The following TBC1D30 variants were observed in gnomAD, a reference collection of about 807,000 sequenced individuals.
The protein encoded by TBC1D30 is TBC1 domain family member 30, also known as TBC1 domain family, member 30.
Under a neutral mutation model 63.2 loss-of-function variants are expected in TBC1D30, and 31 were observed. That is an observed-to-expected ratio of 0.49 (90% CI 0.37 to 0.66). TBC1D30 has a LOEUF of 0.66. TBC1D30 is among the 30% of genes least tolerant of loss of function. TBC1D30 has a pLI of 0.00. For synonymous variants in TBC1D30, 307 were observed against 361.5 expected (o/e 0.85, Z 1.71); for missense variants, 810 against 953.6 (o/e 0.85, Z 1.98).
chr12:64,860,598 G>C (rs1453859253), intron 8 of TBC1D30, among the ~76,000 whole-genome samples: 1 of 152,120 alleles, frequency 6.6e-6, no homozygotes, highest in African/African-American at 2.4e-5. Context: ...TCTTGAGGCT[G>C]TGGTTTTCAA....
upstream of TBC1D30, among the ~76,000 whole-genome samples, chr12:64,778,335 C>T (rs555419948): frequency 1.4e-4 from 22 of 151,924 alleles, no homozygotes; most frequent in African/African-American, 5.3e-4. Context: ...GGGCATATAT[C>T]AATGAACAAA....
At position 64,876,500 on chromosome 12, in the gene TBC1D30, C is replaced by T; in HGVS notation, c.*712C>T. ...TTGGCATATGCTTTACGCAGTTGCT[C>T]CGGACAGCTTGCTCGCGCCACTGAG... On this transcript the variant is annotated 3_prime_UTR_variant, in exon 12 of 12. Transcript: ENST00000539867. The T allele has an allele frequency of 3.4e-6, 1 of 291,210 alleles. No homozygotes were observed. Among genetic ancestry groups the T allele is most frequent in the Non-Finnish European group, 6.9e-6 (1 of 145,908 alleles). 18.0% of individuals were successfully genotyped at this position (291,210 alleles called of 1,614,324 possible). A position where few individuals can be genotyped will look rare whatever the true frequency, so the allele number is the denominator to read the frequency against.
intron 4 of TBC1D30, among the ~76,000 whole-genome samples, chr12:64,830,705 A>G (rs1874779310): frequency 6.6e-6 from 1 of 152,230 alleles, no homozygotes; most frequent in African/African-American, 2.4e-5. Flanking sequence ...CGGTAAGAAG[A>G]AAATATTTGC....
chr12:64,833,310 G>T (rs1055226589), intron 5 of TBC1D30, among the ~76,000 whole-genome samples: 23 of 152,162 alleles, frequency 1.5e-4, no homozygotes, highest in African/African-American at 5.6e-4. Flanking sequence ...TTGAGATGGG[G>T]CACTAGTGAT....
chr12:64,864,449 G>T (rs1434552112), intron 8 of TBC1D30, among the ~76,000 whole-genome samples: 1 of 152,226 alleles, frequency 6.6e-6, no homozygotes, highest in Non-Finnish European at 1.5e-5. Flanking sequence ...ATGCCCAGCT[G>T]CAGCTGGGTT....
At chr12:64,767,499 T>A (rs1282978801) in intron 1 of TBC1D30, among the ~76,000 whole-genome samples, 1 of 152,072 alleles carries the variant, frequency 6.6e-6, no homozygotes, top group Non-Finnish European at 1.5e-5. Context: ...GTGAATGCAT[T>A]CTCTTCTGTC....
chr12:64,856,605 C>T (rs890206241), intron 8 of TBC1D30, among the ~76,000 whole-genome samples: 8 of 152,214 alleles, frequency 5.3e-5, no homozygotes, highest in African/African-American at 1.9e-4. Context: ...TGGCCACTAC[C>T]ACTGGGACTG....
intron 8 of TBC1D30, among the ~76,000 whole-genome samples, chr12:64,855,324 G>C (rs1038957626): frequency 6.6e-6 from 1 of 152,136 alleles, no homozygotes; most frequent in African/African-American, 2.4e-5. Context: ...GGTTAAATCT[G>C]TTGGTGTTCT....
At position 64,878,342 on chromosome 12, in the gene TBC1D30, C is replaced by T; in HGVS notation, c.*2554C>T. ...AGACCAGTATGGACTTGCTATCTTC[C>T]CTATGTATTGGACACTGTATGCAAA... On this transcript the variant is annotated 3_prime_UTR_variant, in exon 12 of 12. Transcript: ENST00000539867. 2.4e-6 allele frequency: 1 copy of T among 425,454 alleles called. No individual in the cohort carries two copies. The highest frequency in any genetic ancestry group is 1.7e-5 in the South Asian group (1 of 58,946). The allele number at this position is 425,454 out of a possible 1,614,324, so 26.4% of individuals were successfully genotyped here. A position where few individuals can be genotyped will look rare whatever the true frequency, so the allele number is the denominator to read the frequency against.
At chr12:64,771,752 A>C (rs1870913715) in intron 1 of TBC1D30, among the ~76,000 whole-genome samples, 1 of 152,222 alleles carries the variant, frequency 6.6e-6, no homozygotes, top group Non-Finnish European at 1.5e-5. Context: ...TTAAAAAAAC[A>C]ACAACATAGT....
chr12:64,781,065 T>C, exon 1 of TBC1D30: 11 of 1,018,590 alleles, frequency 1.1e-5, no homozygotes, highest in Non-Finnish European at 1.3e-5. Context: ...AGCGGGCTGC[T>C]CAACGAGCTG....
intron 1 of TBC1D30, among the ~76,000 whole-genome samples, chr12:64,764,409 T>G (rs531276268): frequency 3.5e-4 from 54 of 152,358 alleles, no homozygotes; most frequent in African/African-American, 1.3e-3. Context: ...TCATGACCTC[T>G]GAAGTGTAAC....
At chr12:64,776,203 CAA>C (rs2136283277), upstream of TBC1D30, among the ~76,000 whole-genome samples, 1 of 152,118 alleles carries the variant, frequency 6.6e-6, no homozygotes, top group Admixed American at 6.5e-5. Context: ...ACAACTAAAA[CAA>C]ATAGAGAAGC....
At position 64,786,105 on chromosome 12, in the gene TBC1D30, G is replaced by GA; in HGVS notation, c.643+61dup. On this transcript the variant is annotated intron_variant, in intron 2 of 12. Transcript: ENST00000542120. The stretch of plus-strand genomic sequence containing the variant: ...ATGCAACTAGAATGTTAGGAAAGCT[G>GA]AGCCAACAGTCTGTGTTTGTGAATA... The GA allele has an allele frequency of 2.2e-5, 27 of 1,214,812 alleles. No individual in the cohort carries two copies. The South Asian group carries it at 3.3e-4, about 15-fold the overall frequency. The allele number at this position is 1,214,812 out of a possible 1,614,324, so 75.3% of individuals were successfully genotyped here.
intron 1 of TBC1D30, among the ~76,000 whole-genome samples, 192 bp from the exon 2 acceptor site, chr12:64,827,643 A>G (rs1874477125): frequency 6.6e-6 from 1 of 152,124 alleles, no homozygotes; most frequent in Admixed American, 6.5e-5. Flanking sequence ...GGCACTTTCT[A>G]TTGCTGTAGG....
At chr12:64,773,477 C>T (rs1268417337) in intron 1 of TBC1D30, among the ~76,000 whole-genome samples, 5 of 152,236 alleles carry the variant, frequency 3.3e-5, no homozygotes, top group Non-Finnish European at 7.3e-5. Context: ...GGCTGCTCTA[C>T]AAAAGCATGG....
upstream of TBC1D30, among the ~76,000 whole-genome samples, chr12:64,824,072 C>CTT (rs11423646): frequency 0.02 from 2,845 of 145,232 alleles, 91 homozygotes; most frequent in African/African-American, 0.061. Context: ...TTGAGAATGA[C>CTT]TTTTTTTTTT....
chr12:64,861,949 A>G (rs974738280), intron 8 of TBC1D30, among the ~76,000 whole-genome samples: 2 of 152,184 alleles, frequency 1.3e-5, no homozygotes, highest in African/African-American at 4.8e-5. Context: ...TACAAGGATC[A>G]TGTTTGATGA....
chr12:64,824,072 C>CTGT (rs1555169849), upstream of TBC1D30, among the ~76,000 whole-genome samples: 1 of 145,238 alleles, frequency 6.9e-6, no homozygotes, highest in Non-Finnish European at 1.5e-5. Flanking sequence ...TTGAGAATGA[C>CTGT]TTTTTTTTTT....
Sources: gnomAD v4.1 joint callset for allele counts (sites outside exome capture counted in the v4.1 genomes callset) on GRCh38, gnomAD v4.1.1 for gene constraint, MANE v1.5 for transcripts, NCBI Gene and HGNC (gene_info 2026-07-23, HGNC 2026-07-21) for gene names.